The following LRRC4C variants were observed in gnomAD, a reference collection of about 807,000 sequenced individuals.
LRRC4C encodes the protein leucine rich repeat containing 4C.
A neutral mutation model predicts 33.6 loss-of-function variants in LRRC4C; 5 were observed. That is an observed-to-expected ratio of 0.15 (90% confidence interval 0.08 to 0.31). LRRC4C has a LOEUF of 0.31. LRRC4C is among the 10% of genes least tolerant of loss of function. The pLI, the probability that LRRC4C is intolerant of heterozygous loss-of-function variation, is 1.00. For missense variants in LRRC4C, 560 were observed against 796.7 expected, an observed-to-expected ratio of 0.70 and a Z score of 3.58; for synonymous variants, 329 against 302.0, an observed-to-expected ratio of 1.09 and a Z score of -0.93.
chr11:40,238,207 A>G (rs912001369), intron 5 of LRRC4C, among the ~76,000 whole-genome samples: 1 of 152,202 alleles, frequency 6.6e-6, no homozygotes, highest in Non-Finnish European at 1.5e-5. Context: ...ATCTCAGCCA[A>G]CACAATCAAT....
At chr11:41,405,486 T>C (rs1199432021) in intron 1 of LRRC4C, among the ~76,000 whole-genome samples, 2 of 152,162 alleles carry the variant, frequency 1.3e-5, no homozygotes, top group Non-Finnish European at 2.9e-5. Flanking sequence ...TCTGATAGGC[T>C]GTTGGAAAAA....
chr11:40,191,859 C>T (rs1381540852), intron 5 of LRRC4C, among the ~76,000 whole-genome samples: 1 of 152,054 alleles, frequency 6.6e-6, no homozygotes, highest in Non-Finnish European at 1.5e-5. Context: ...ACTCAGGAGG[C>T]TGAGGCAAAA....
At chr11:40,206,532 G>T (rs181345004) in intron 5 of LRRC4C, among the ~76,000 whole-genome samples, 1 of 152,084 alleles carries the variant, frequency 6.6e-6, no homozygotes, top group Non-Finnish European at 1.5e-5. Flanking sequence ...GTGAGCCACC[G>T]CACCTGGCCT....
At chr11:41,032,037 A>C (rs1321601688) in intron 1 of LRRC4C, among the ~76,000 whole-genome samples, 2 of 152,028 alleles carry the variant, frequency 1.3e-5, no homozygotes, top group African/African-American at 2.4e-5. Context: ...TCTCCAGTTG[A>C]GCTGGGGCTC....
At chr11:41,119,384 AT>A (rs1329453085) in intron 1 of LRRC4C, among the ~76,000 whole-genome samples, 3 of 152,202 alleles carry the variant, frequency 2.0e-5, no homozygotes, top group Admixed American at 6.5e-5. Flanking sequence ...AGATTAAATT[AT>A]TTCTGGAAGA....
intron 1 of LRRC4C, among the ~76,000 whole-genome samples, chr11:40,992,567 C>G (rs982716482): frequency 1.3e-5 from 2 of 151,922 alleles, no homozygotes; most frequent in Non-Finnish European, 2.9e-5. Context: ...TGAATATATC[C>G]AGTGATGAAG....
At chr11:40,239,549 A>G (rs1865793464) in intron 5 of LRRC4C, among the ~76,000 whole-genome samples, 1 of 152,208 alleles carries the variant, frequency 6.6e-6, no homozygotes, top group Admixed American at 6.5e-5. Flanking sequence ...CATATCCAAG[A>G]TTCTTAATGC....
intron 3 of LRRC4C, among the ~76,000 whole-genome samples, chr11:40,497,833 AG>A (rs1454691805): frequency 2.0e-4 from 30 of 152,340 alleles, no homozygotes; most frequent in African/African-American, 6.5e-4. Context: ...AAGGGTCAGA[AG>A]TTAAGCACAA....
At chr11:41,256,557 A>T (rs960576963) in intron 1 of LRRC4C, among the ~76,000 whole-genome samples, 6 of 151,974 alleles carry the variant, frequency 3.9e-5, no homozygotes, top group African/African-American at 7.2e-5. Flanking sequence ...AGATTAATTT[A>T]AAAAAATTGA....
intron 1 of LRRC4C, among the ~76,000 whole-genome samples, chr11:41,204,526 GA>G (rs35534381): frequency 0.11 from 16,475 of 152,136 alleles, 981 homozygotes; most frequent in East Asian, 0.19. Flanking sequence ...TTTCCTATGG[GA>G]AAGAAACAGT....
chr11:40,257,172 C>T (rs1291773236), intron 4 of LRRC4C, among the ~76,000 whole-genome samples: 1 of 152,114 alleles, frequency 6.6e-6, no homozygotes, highest in Non-Finnish European at 1.5e-5. Flanking sequence ...CAATATGATG[C>T]TAATGCTTGG....
chr11:41,040,164 C>T (rs1171817708), intron 1 of LRRC4C, among the ~76,000 whole-genome samples: 1 of 146,172 alleles, frequency 6.8e-6, no homozygotes, highest in Non-Finnish European at 1.5e-5. Flanking sequence ...AAAAGTATGA[C>T]TTGAACTGGT....
intron 2 of LRRC4C, among the ~76,000 whole-genome samples, chr11:40,871,514 T>A (rs1954644884): frequency 6.6e-6 from 1 of 152,088 alleles, no homozygotes; most frequent in Non-Finnish European, 1.5e-5. Flanking sequence ...TGTGGGCAGG[T>A]TCACCCGATA....
intron 1 of LRRC4C, among the ~76,000 whole-genome samples, chr11:41,190,681 C>A (rs1265026242): frequency 6.6e-6 from 1 of 152,144 alleles, no homozygotes; most frequent in Non-Finnish European, 1.5e-5. Context: ...CTTGCATACA[C>A]AAAAATATAT....
intron 1 of LRRC4C, among the ~76,000 whole-genome samples, chr11:41,082,425 C>T (rs979851154): frequency 1.1e-4 from 15 of 130,946 alleles, no homozygotes; most frequent in South Asian, 8.0e-4. Context: ...TCAAATCTCA[C>T]GCTTTTTTTT....
chr11:40,656,668 G>A (rs1204274795), intron 2 of LRRC4C, among the ~76,000 whole-genome samples: 1 of 152,100 alleles, frequency 6.6e-6, no homozygotes, highest in East Asian at 1.9e-4. Context: ...ATGAAGTTGT[G>A]TACTATGTAA....
intron 1 of LRRC4C, among the ~76,000 whole-genome samples, chr11:41,343,390 A>ACAAAG (rs1351781384): frequency 6.6e-6 from 1 of 152,012 alleles, no homozygotes; most frequent in Non-Finnish European, 1.5e-5. Context: ...ACAAAACAAA[A>ACAAAG]CAGTAGCCAC....
chr11:41,251,005 G>GA (rs940084061), intron 1 of LRRC4C, among the ~76,000 whole-genome samples: 4 of 152,010 alleles, frequency 2.6e-5, no homozygotes, highest in Admixed American at 2.6e-4. Context: ...TGATATAGCT[G>GA]AAAAAATTGT....
chr11:41,432,689 C>T (rs1955281822), intron 1 of LRRC4C, among the ~76,000 whole-genome samples: 1 of 151,952 alleles, frequency 6.6e-6, no homozygotes, highest in Admixed American at 6.6e-5. Flanking sequence ...CATGGAGTCT[C>T]CCTATAGGAT....
Sources: allele counts gnomAD v4.1 joint callset (sites outside exome capture counted in the v4.1 genomes callset), GRCh38; gene constraint gnomAD v4.1.1; transcripts MANE v1.5; gene names NCBI Gene and HGNC (gene_info 2026-07-23, HGNC 2026-07-21).